The following TTC7B variants were observed in gnomAD, a reference collection of about 807,000 sequenced individuals.
TTC7B encodes the protein tetratricopeptide repeat domain 7B.
In TTC7B, 28 loss-of-function variants were observed where a neutral mutation model predicts 106.8. The observed-to-expected ratio is 0.26, with a 90% confidence interval of 0.19 to 0.36. The LOEUF (loss-of-function observed/expected upper bound fraction) is 0.36, where lower values mean the gene tolerates loss of function less well. Among genes scored for constraint, TTC7B ranks in the 10% least tolerant of loss-of-function variants. The pLI is 1.00. For missense variants in TTC7B, 862 were observed against 1,076.4 expected, an observed-to-expected ratio of 0.80 and a Z score of 2.79; for synonymous variants, 405 against 430.6, an observed-to-expected ratio of 0.94 and a Z score of 0.74.
intron 5 of TTC7B, among the ~76,000 whole-genome samples, chr14:90,729,406 G>A (rs1333196297): frequency 6.6e-6 from 1 of 152,170 alleles, no homozygotes; most frequent in Non-Finnish European, 1.5e-5. Flanking sequence ...AAAGCCTACG[G>A]GGGTGCTACA....
intron 18 of TTC7B, among the ~76,000 whole-genome samples, chr14:90,583,459 C>T (rs1891585740): frequency 6.6e-6 from 1 of 152,116 alleles, no homozygotes; most frequent in Non-Finnish European, 1.5e-5. Flanking sequence ...TTTCCTTTCA[C>T]CAAGGAGTGA....
intron 9 of TTC7B, among the ~76,000 whole-genome samples, chr14:90,670,341 G>A (rs1012636700): frequency 2.0e-5 from 3 of 152,164 alleles, no homozygotes; most frequent in South Asian, 2.1e-4. Context: ...GTTTACTAGG[G>A]TATCGGGAAG....
chr14:90,573,532 T>TC lies in TTC7B; in HGVS notation c.2310+4573dup, dbSNP rs199974573. Among the ~76,000 whole-genome samples the TC allele has an allele frequency of 2.1e-3, 214 of 102,100 alleles. 7 individuals are homozygous for TC. The highest frequency in any genetic ancestry group is 0.011 in the Middle Eastern group (2 of 180). The allele number at this position is 102,100 out of a possible 152,430, so 67.0% of individuals were successfully genotyped here. Reference sequence around the variant, plus strand: ...GTCCCTCTCCGGCTCACGGTCTCTCTCAGCTCACGGTCCCTCTCCGGCTCA... The same window carrying TC: ...GTCCCTCTCCGGCTCACGGTCTCTCTCCAGCTCACGGTCCCTCTCCGGCTCA... On this transcript the variant is annotated intron_variant, in intron 19 of 19. Coordinates refer to ENST00000328459, the MANE Select transcript of TTC7B (RefSeq NM_001010854.2).
chr14:90,629,974 A>T (rs1884623181), intron 15 of TTC7B, among the ~76,000 whole-genome samples: 1 of 152,150 alleles, frequency 6.6e-6, no homozygotes, highest in African/African-American at 2.4e-5. Context: ...AAACTGGGGG[A>T]CACCAGTCAT....
rs775393231 is a variant in TTC7B at position 90,805,117 on chromosome 14, A to G, written c.121+11058T>C. ...GACCAGGTCTCGGGTGGACGCCCAC[A>G]GCCACTCCCAGTCCTGAGCACGTGC... On this transcript the variant is annotated intron_variant, in intron 1 of 19. Transcript: ENST00000328459. The surrounding 1 kb of genome is among the most constrained non-coding windows in gnomAD (Gnocchi z 4.0). Among the ~76,000 whole-genome samples the G allele has an allele frequency of 1.3e-5, 2 of 151,250 alleles. No homozygotes were observed. Among genetic ancestry groups the G allele is most frequent in the Non-Finnish European group, 3.0e-5 (2 of 67,684 alleles).
intron 19 of TTC7B, among the ~76,000 whole-genome samples, chr14:90,548,537 G>A (rs976485902): frequency 1.3e-5 from 2 of 152,244 alleles, no homozygotes; most frequent in South Asian, 4.1e-4. Flanking sequence ...ACCATCTTGT[G>A]TGACAGGTGC....
intron 19 of TTC7B, among the ~76,000 whole-genome samples, chr14:90,542,417 C>T (rs1484683723): frequency 1.3e-5 from 2 of 152,118 alleles, no homozygotes; most frequent in Admixed American, 6.6e-5. Flanking sequence ...GGGGTGTACC[C>T]GTGGGTCCCA....
chr14:90,696,056 G>A (rs1887733803), intron 5 of TTC7B, among the ~76,000 whole-genome samples: 1 of 152,072 alleles, frequency 6.6e-6, no homozygotes, highest in Non-Finnish European at 1.5e-5. Context: ...GCATCTTTGA[G>A]AACATAAACT....
chr14:90,640,544 C>T (rs1172585639), intron 15 of TTC7B, among the ~76,000 whole-genome samples: 2 of 152,032 alleles, frequency 1.3e-5, no homozygotes, highest in Non-Finnish European at 2.9e-5. Context: ...TTTTTCTAAA[C>T]TACGAATAGG....
intron 15 of TTC7B, among the ~76,000 whole-genome samples, chr14:90,639,671 T>C (rs1444578020): frequency 1.3e-5 from 2 of 152,196 alleles, no homozygotes; most frequent in African/African-American, 4.8e-5. Context: ...GACCTAACTA[T>C]TTCACTCATA....
chr14:90,554,781 G>A (rs1180762684), intron 19 of TTC7B, among the ~76,000 whole-genome samples: 2 of 152,234 alleles, frequency 1.3e-5, no homozygotes, highest in Non-Finnish European at 2.9e-5. Flanking sequence ...AGAAGAAGGC[G>A]GAAGCTCAGG....
At chr14:90,695,426 T>C (rs1887706843) in intron 6 of TTC7B, 74 bp downstream of exon 6, 1 of 761,486 alleles carries the variant, frequency 1.3e-6, no homozygotes, top group African/African-American at 2.0e-5. Flanking sequence ...TACATAAATG[T>C]AAAAAAATAT....
intron 17 of TTC7B, among the ~76,000 whole-genome samples, chr14:90,607,902 G>C (rs1463554351): frequency 6.6e-6 from 1 of 152,200 alleles, no homozygotes; most frequent in African/African-American, 2.4e-5. Context: ...TACTGGAAGG[G>C]TAAACAAAAA....
At chr14:90,649,058 A>G (rs1885600159) in intron 13 of TTC7B, among the ~76,000 whole-genome samples, 1 of 152,250 alleles carries the variant, frequency 6.6e-6, no homozygotes. Context: ...TGCTGGCCTC[A>G]TCAAATGATT....
intron 5 of TTC7B, among the ~76,000 whole-genome samples, chr14:90,713,843 A>C (rs1888540088): frequency 6.6e-6 from 1 of 152,246 alleles, no homozygotes; most frequent in African/African-American, 2.4e-5. Context: ...ATACAATGTA[A>C]TAATAATGAC....
chr14:90,792,146 A>G (rs927228342), intron 1 of TTC7B, among the ~76,000 whole-genome samples: 1 of 152,124 alleles, frequency 6.6e-6, no homozygotes, highest in African/African-American at 2.4e-5. Flanking sequence ...AATGGGTTTC[A>G]TAGTTGCAGA....
At chr14:90,726,382 A>AGC (rs1889103444) in intron 5 of TTC7B, among the ~76,000 whole-genome samples, 2 of 152,142 alleles carry the variant, frequency 1.3e-5, no homozygotes, top group African/African-American at 4.8e-5. Context: ...GCCTTAAGCC[A>AGC]GCGCCACTGT....
At chr14:90,669,826 G>A (rs1222034003) in intron 9 of TTC7B, among the ~76,000 whole-genome samples, 1 of 152,218 alleles carries the variant, frequency 6.6e-6, no homozygotes, top group East Asian at 1.9e-4. Context: ...TGTATTGCTG[G>A]TAGGAATGTA....
At chr14:90,723,000 T>C (rs1020336354) in intron 5 of TTC7B, among the ~76,000 whole-genome samples, 3 of 152,216 alleles carry the variant, frequency 2.0e-5, no homozygotes, top group African/African-American at 7.2e-5. Context: ...ATATAATCAA[T>C]ATGCTGAAAT....
Sources: gnomAD v4.1 joint callset for allele counts (sites outside exome capture counted in the v4.1 genomes callset) on GRCh38, gnomAD v4.1.1 for gene constraint, Gnocchi (gnomAD v3.1) non-coding constraint, MANE v1.5 for transcripts, NCBI Gene and HGNC (gene_info 2026-07-23, HGNC 2026-07-21) for gene names.